The following POF1B variants were observed in gnomAD, a reference collection of about 807,000 sequenced individuals.
POF1B encodes the protein POF1B actin binding protein, also known as protein POF1B.
Under a neutral mutation model 55.3 loss-of-function variants are expected in POF1B, and 53 were observed. That is an observed-to-expected ratio of 0.96 (90% CI 0.77 to 1.20). POF1B has a LOEUF of 1.20. Among genes scored for constraint, POF1B ranks in the 50% most tolerant of loss-of-function variants. POF1B has a pLI of 0.00. For synonymous variants in POF1B, 188 were observed against 148.3 expected, an observed-to-expected ratio of 1.27 and a Z score of -1.95; for missense variants, 478 against 420.5, an observed-to-expected ratio of 1.14 and a Z score of -1.20.
At chrX:85,352,505 A>G (rs1184465753) in intron 4 of POF1B, among the ~76,000 whole-genome samples, 1 of 111,524 alleles carries the variant, frequency 9.0e-6, no homozygotes, top group Non-Finnish European at 1.9e-5. Flanking sequence ...AAAGTTATAT[A>G]CTTATTGTAT....
At chrX:85,371,081 G>A (rs1046447816) in intron 2 of POF1B, among the ~76,000 whole-genome samples, 1 of 111,540 alleles carries the variant, frequency 9.0e-6, no homozygotes, top group South Asian at 3.7e-4. Flanking sequence ...TAGACTTGGA[G>A]TCAGCAGACC....
At chrX:85,321,258 T>C (rs1932835210) in intron 7 of POF1B, among the ~76,000 whole-genome samples, 1 of 111,229 alleles carries the variant, frequency 9.0e-6, no homozygotes, top group Non-Finnish European at 1.9e-5. Flanking sequence ...TCAAGTGGGC[T>C]TCATCCCTGG....
chrX:85,375,337 T>A (rs370064985), intron 2 of POF1B, among the ~76,000 whole-genome samples: 39 of 111,435 alleles, frequency 3.5e-4, no homozygotes, highest in African/African-American at 1.2e-3. Flanking sequence ...AAAGGACAGT[T>A]TCCCTCTCTT....
chrX:85,349,979 C>T (rs975258461), intron 5 of POF1B, among the ~76,000 whole-genome samples: 1 of 110,701 alleles, frequency 9.0e-6, no homozygotes, highest in Non-Finnish European at 1.9e-5. Flanking sequence ...AACAACTCTG[C>T]ATGAAGGACT....
intron 6 of POF1B, among the ~76,000 whole-genome samples, chrX:85,336,677 G>A (rs184233527): frequency 1.0e-3 from 114 of 110,910 alleles, no homozygotes; most frequent in Non-Finnish European, 4.0e-4. Flanking sequence ...TTTTCCTATT[G>A]TTTGAGCTCC....
intron 4 of POF1B, among the ~76,000 whole-genome samples, chrX:85,353,869 A>T (rs1048613937): frequency 5.4e-5 from 6 of 111,609 alleles, no homozygotes; most frequent in African/African-American, 1.9e-4. Flanking sequence ...TGTAATTTAA[A>T]GGAAGAGTAA....
At chrX:85,288,809 C>G (rs1004635691) in intron 15 of POF1B, among the ~76,000 whole-genome samples, 12 of 111,538 alleles carry the variant, frequency 1.1e-4, no homozygotes, top group African/African-American at 3.9e-4. Flanking sequence ...AATTCTGAGG[C>G]CTCCCCAGCT....
Position 85,353,667 on chromosome X carries a change from G to A in POF1B, c.439-2216C>T, listed in dbSNP as rs1933431651. 3.6e-5 allele frequency among the ~76,000 whole-genome samples: 4 copies of A among 110,836 alleles called. No individual in the cohort carries two copies. The Admixed American group carries it at 3.9e-4, about 11-fold the overall frequency. On this transcript the variant is annotated intron_variant, in intron 4 of 16. Transcript: ENST00000262753. ...AAAAAAATGTCTGGGTAGACACTCA[G>A]ATGTAGACGTTCAATGCATAGGTGA...
intron 7 of POF1B, among the ~76,000 whole-genome samples, chrX:85,327,527 G>A (rs1340502355): frequency 1.8e-5 from 2 of 111,677 alleles, no homozygotes; most frequent in Non-Finnish European, 3.8e-5. Context: ...GAGTACATAC[G>A]TGCAATTGTC....
chrX:85,286,795 T>G, intron 15 of POF1B, among the ~76,000 whole-genome samples: 1 of 111,496 alleles, frequency 9.0e-6, no homozygotes, highest in Middle Eastern at 4.6e-3. Flanking sequence ...CAATCCTAAA[T>G]GTTTATGTAC....
At chrX:85,356,601 A>T (rs1405206265) in intron 4 of POF1B, among the ~76,000 whole-genome samples, 2 of 111,317 alleles carry the variant, frequency 1.8e-5, no homozygotes, top group Non-Finnish European at 3.8e-5. Context: ...CCAAATCTGT[A>T]AGGAAGTAAA....
At chrX:85,321,392 A>C (rs1264541343) in intron 7 of POF1B, among the ~76,000 whole-genome samples, 2 of 110,254 alleles carry the variant, frequency 1.8e-5, no homozygotes, top group Admixed American at 1.9e-4. Context: ...AAATTCAACA[A>C]CACTTCATGC....
At chrX:85,298,104 G>A (rs995105724) in intron 15 of POF1B, among the ~76,000 whole-genome samples, 1 of 112,299 alleles carries the variant, frequency 8.9e-6, no homozygotes, top group Non-Finnish European at 1.9e-5. Context: ...CACTCCAGCA[G>A]GGCCACTGGC....
intron 6 of POF1B, among the ~76,000 whole-genome samples, chrX:85,342,248 A>G (rs1933186320): frequency 8.9e-6 from 1 of 111,885 alleles, no homozygotes; most frequent in Non-Finnish European, 1.9e-5. Flanking sequence ...AATTTTATAA[A>G]AATATTTTAA....
In POF1B at chrX:85,359,425, A is replaced by C. The variant is rs149808679; in HGVS notation, c.438+125T>G. ...GCATTTATTGATACTGATAATCAGCAATTTACTTTGTAACTGTAAGAAAGT... is the reference window on the plus strand; with the variant it reads ...GCATTTATTGATACTGATAATCAGCCATTTACTTTGTAACTGTAAGAAAGT... On this transcript the variant is annotated intron_variant, in intron 4 of 16. Transcript: ENST00000262753. 3.0e-3 allele frequency: 1,476 copies of C among 497,838 alleles called. 38 individuals are homozygous for C. The East Asian group carries it at 0.053, about 18-fold the overall frequency. The allele number at this position is 497,838 out of a possible 1,213,427, so 41.0% of individuals were successfully genotyped here. A position where few individuals can be genotyped will look rare whatever the true frequency, so the allele number is the denominator to read the frequency against.
In POF1B at chrX:85,308,158, C is replaced by T. The variant is rs745416546; in HGVS notation, c.1016G>A (p.Arg339Gln). The part of the protein sequence containing the change: ...RLVLSTFSNI[R>Q]EELGHLQNDM... ...ATTTTGAAGATGTCCAAGCTCCTCC[C>T]GTATGTTGCTAAATGTGGACAGCAC... Residue 339 changes from arginine to glutamine, a missense_variant, in exon 10 of 17, where the codon CGG (arginine) becomes CAG (glutamine). By Grantham distance (43) the Arg-to-Gln change is conservative. Transcript: ENST00000262753. 7 of 1,193,733 alleles carry T rather than the reference C, an allele frequency of 5.9e-6. No homozygotes were observed. The African/African-American group carries it at 8.8e-5, about 15-fold the overall frequency.
intron 6 of POF1B, among the ~76,000 whole-genome samples, chrX:85,331,720 C>T (rs1932984072): frequency 9.0e-6 from 1 of 110,873 alleles, no homozygotes; most frequent in African/African-American, 3.3e-5. Flanking sequence ...ATTTGTTAAC[C>T]AATCTCTTCC....
chrX:85,311,561 G>T (rs192215959), intron 9 of POF1B, among the ~76,000 whole-genome samples: 1 of 111,696 alleles, frequency 9.0e-6, no homozygotes, highest in Non-Finnish European at 1.9e-5. Context: ...TCCATGGTGC[G>T]TATGTCCCAC....
At chrX:85,313,300 T>C (rs900123833) in intron 9 of POF1B, among the ~76,000 whole-genome samples, 3 of 111,870 alleles carry the variant, frequency 2.7e-5, no homozygotes, top group Non-Finnish European at 5.6e-5. Flanking sequence ...CAGTATGATA[T>C]TGGCTGTTGG....
Sources: allele counts gnomAD v4.1 joint callset (sites outside exome capture counted in the v4.1 genomes callset), GRCh38; gene constraint gnomAD v4.1.1; transcripts MANE v1.5; gene names NCBI Gene and HGNC (gene_info 2026-07-23, HGNC 2026-07-21).